Variants in NUP210 observed in about 807,000 individuals in gnomAD.
NUP210 encodes the protein nuclear pore membrane glycoprotein 210.
Under a neutral mutation model 196.0 loss-of-function variants are expected in NUP210, and 151 were observed. The observed-to-expected ratio is 0.77, with a 90% CI of 0.67 to 0.88. NUP210 has a LOEUF of 0.88. Ranked by LOEUF, NUP210 falls within the 40% of genes least tolerant of loss-of-function variation. The pLI is 0.00. For missense variants in NUP210, 2,314 were observed against 2,493.7 expected (o/e 0.93, Z 1.53); for synonymous variants, 1,070 against 1,052.7 (o/e 1.02, Z -0.32).
At chr3:13,416,589 C>T (rs1406843579) in intron 1 of NUP210, among the ~76,000 whole-genome samples, 1 of 152,258 alleles carries the variant, frequency 6.6e-6, no homozygotes, top group East Asian at 1.9e-4. Context: ...GGCTCCACCC[C>T]TGGGAAACCA....
At chr3:13,353,767 C>CTG in intron 17 of NUP210, 107 bp from the exon 18 acceptor site, 1 of 1,253,986 alleles carries the variant, frequency 8.0e-7, no homozygotes, top group Admixed American at 1.9e-5. Flanking sequence ...AAACAGACAA[C>CTG]TGTGTGTGTT....
In NUP210 at chr3:13,340,330, T is replaced by G. The variant is rs750961784; in HGVS notation, c.3229-32A>C. ...AGAGACACAGGAGAGAAAGGACTAC[T>G]GTGCCCCAAGCCCATGGCGCCAAGC... On this transcript the variant is annotated intron_variant, in intron 23 of 39. Transcript: ENST00000254508. The surrounding 1 kb of genome is among the most constrained non-coding windows in gnomAD (Gnocchi z 4.0). 1 of 1,603,368 alleles carries G rather than the reference T, an allele frequency of 6.2e-7. No individual in the cohort carries two copies.
intron 13 of NUP210, among the ~76,000 whole-genome samples, chr3:13,369,189 T>A (rs896815169): frequency 2.6e-5 from 4 of 152,266 alleles, no homozygotes; most frequent in Non-Finnish European, 5.9e-5. Flanking sequence ...TGAGTGATGT[T>A]GAGCATCTTC....
chr3:13,415,507 G>C (rs901612776), intron 1 of NUP210, among the ~76,000 whole-genome samples: 2 of 152,170 alleles, frequency 1.3e-5, no homozygotes, highest in Non-Finnish European at 2.9e-5. Context: ...ATTTGGCCTA[G>C]GTGTGTGGGG....
In NUP210 at chr3:13,372,617, A is replaced by G. The variant is rs553431165; in HGVS notation, c.1588-585T>C. On this transcript the variant is annotated intron_variant, in intron 12 of 39. Coordinates refer to ENST00000254508, the MANE Select transcript of NUP210 (RefSeq NM_024923.4). Reference sequence around the variant, plus strand: ...TCTGAATGTCTGGCTCATCAGATGGACTGGTAGAGCGGCTGGAGCCAGGAG... The same window carrying G: ...TCTGAATGTCTGGCTCATCAGATGGGCTGGTAGAGCGGCTGGAGCCAGGAG... Among the ~76,000 whole-genome samples the G allele has an allele frequency of 2.0e-5, 3 of 152,296 alleles. No homozygotes were observed. The East Asian group carries it at 5.8e-4, about 29-fold the overall frequency.
intron 11 of NUP210, among the ~76,000 whole-genome samples, chr3:13,374,391 T>A (rs111379484): frequency 4.6e-5 from 7 of 152,110 alleles, no homozygotes; most frequent in African/African-American, 1.7e-4. Flanking sequence ...CTCAAACACA[T>A]ACACACTCTC....
chr3:13,416,240 G>T (rs1450179033), intron 1 of NUP210, among the ~76,000 whole-genome samples: 1 of 152,104 alleles, frequency 6.6e-6, no homozygotes, highest in Non-Finnish European at 1.5e-5. Context: ...GAGACTGTCA[G>T]GGGCAGGAAA....
At position 13,317,787 on chromosome 3, in the gene NUP210, G is replaced by A; in HGVS notation, c.5564-6C>T. 5 of 1,597,884 alleles carry A rather than the reference G, an allele frequency of 3.1e-6. No individual in the cohort carries two copies. The highest frequency in any genetic ancestry group is 4.3e-6 in the Non-Finnish European group (5 of 1,169,614). On this transcript the variant is annotated splice_region_variant and splice_polypyrimidine_tract_variant and intron_variant, in intron 39 of 39. Transcript: ENST00000254508. Reference sequence around the variant, plus strand: ...GGGTGATGAGGCAGCGAAATCTAGGGTGGGAAGAGAGACGATGTTAGCAGC... The same window carrying A: ...GGGTGATGAGGCAGCGAAATCTAGGATGGGAAGAGAGACGATGTTAGCAGC...
At chr3:13,389,894 A>G (rs1699430940) in intron 4 of NUP210, among the ~76,000 whole-genome samples, 1 of 152,180 alleles carries the variant, frequency 6.6e-6, no homozygotes, top group Admixed American at 6.5e-5. Flanking sequence ...CCTGGCCGTG[A>G]GGGAACAGCA....
Position 13,336,874 on chromosome 3 carries a change from G to C in NUP210, c.3597C>G (p.Phe1199Leu), listed in dbSNP as rs1196170160. 1 of 1,613,778 alleles carries C rather than the reference G, an allele frequency of 6.2e-7. No homozygotes were observed. Among genetic ancestry groups the C allele is most frequent in the Non-Finnish European group, 8.5e-7 (1 of 1,179,894 alleles). The change falls in exon 27 of 40, where the codon TTC becomes TTG. Residue 1199 changes from phenylalanine to leucine, a missense_variant. Phe to Leu is a conservative substitution (Grantham distance 22). Transcript: ENST00000254508. ...GGCCTGGCACGGCATTGCCAAAGGA[G>C]AAAGGGTTCTGGTGGTTGGTGATGC... ...VTGITNHQNP[F>L]SFGNAVPGLT...
At chr3:13,327,833 C>T (rs1696831160) in intron 31 of NUP210, among the ~76,000 whole-genome samples, 1 of 152,250 alleles carries the variant, frequency 6.6e-6, no homozygotes, top group South Asian at 2.1e-4. Context: ...GCAGAAGCAG[C>T]CTCTGCCCCT....
intron 22 of NUP210, 47 bp from the exon 23 acceptor site, chr3:13,341,930 G>C: frequency 6.2e-7 from 1 of 1,613,420 alleles, no homozygotes; most frequent in Non-Finnish European, 8.5e-7. Context: ...CACCCCGTGG[G>C]AAAGGCTGCA....
At chr3:13,349,273 C>A (rs947747251) in intron 20 of NUP210, among the ~76,000 whole-genome samples, 2 of 152,222 alleles carry the variant, frequency 1.3e-5, no homozygotes, top group Non-Finnish European at 2.9e-5. Flanking sequence ...GACTCCCTCA[C>A]CCCCAGCTCT....
chr3:13,368,112 G>A (rs1698602951), intron 13 of NUP210, among the ~76,000 whole-genome samples: 1 of 151,944 alleles, frequency 6.6e-6, no homozygotes, highest in African/African-American at 2.4e-5. Flanking sequence ...GTCTTGCTCT[G>A]TCGCCCAGGC....
chr3:13,322,001 G>A (rs1307276343), intron 35 of NUP210, among the ~76,000 whole-genome samples, 166 bp from the exon 36 acceptor site: 1 of 152,124 alleles, frequency 6.6e-6, no homozygotes, highest in East Asian at 1.9e-4. Flanking sequence ...AAAGGCCTTG[G>A]CCAAGCTAGG....
intron 1 of NUP210, among the ~76,000 whole-genome samples, chr3:13,419,133 T>C (rs764364682): frequency 3.3e-5 from 5 of 152,132 alleles, no homozygotes; most frequent in Non-Finnish European, 7.3e-5. Context: ...TCACACCCCG[T>C]TCTGCCTCAA....
intron 20 of NUP210, chr3:13,344,887 C>T (rs2124866942): frequency 1.0e-6 from 1 of 977,278 alleles, no homozygotes; most frequent in East Asian, 1.1e-4. Flanking sequence ...ATCCTCCAGG[C>T]CCAGGTCCAG....
chr3:13,347,446 C>G lies in NUP210; in HGVS notation c.2836-4143G>C. ...CGGATAAACACTCCTATGTGCAAAC[C>G]AGCCGAAAACAAAATAAAGGCCCTT... On this transcript the variant is annotated intron_variant, in intron 20 of 39. Coordinates refer to ENST00000254508, the MANE Select transcript of NUP210 (RefSeq NM_024923.4). The surrounding 1 kb of genome is among the most constrained non-coding windows in gnomAD (Gnocchi z 4.7). The G allele has an allele frequency of 1.8e-6, 1 of 558,462 alleles. No homozygotes were observed. The highest frequency in any genetic ancestry group is 2.3e-6 in the Non-Finnish European group (1 of 439,896). 34.6% of individuals were successfully genotyped at this position (558,462 alleles called of 1,614,324 possible). A position where few individuals can be genotyped will look rare whatever the true frequency, so the allele number is the denominator to read the frequency against.
intron 19 of NUP210, 21 bp from the exon 20 acceptor site, chr3:13,352,001 G>A (rs1207394841): frequency 1.9e-6 from 3 of 1,607,924 alleles, no homozygotes; most frequent in African/African-American, 2.7e-5. Context: ...CAGATGCAGG[G>A]AGGGTTGGGC....
Sources: gnomAD v4.1 joint callset for allele counts (sites outside exome capture counted in the v4.1 genomes callset) on GRCh38, gnomAD v4.1.1 for gene constraint, Gnocchi (gnomAD v3.1) non-coding constraint, MANE v1.5 for transcripts, NCBI Gene and HGNC (gene_info 2026-07-23, HGNC 2026-07-21) for gene names.